Variants in QTMAN observed in about 807,000 individuals in gnomAD.
QTMAN encodes queuosine-tRNA mannosyltransferase.
At chr2:144,077,316 T>C in the QTMAN span, among the ~76,000 whole-genome samples, 2 of 152,220 alleles carry the variant, frequency 1.3e-5, no homozygotes, top group Non-Finnish European at 2.9e-5. Flanking sequence ...AAAATTTCAA[T>C]TAAACTCCAA....
the QTMAN span, chr2:143,941,811 T>G: frequency 3.9e-5 from 6 of 152,168 alleles, no homozygotes; most frequent in African/African-American, 1.4e-4. Flanking sequence ...AGAAGGGAAC[T>G]AGGGGTCCAA....
At chr2:144,082,986 A>G in the QTMAN span, among the ~76,000 whole-genome samples, 2 of 152,082 alleles carry the variant, frequency 1.3e-5, no homozygotes, top group Non-Finnish European at 2.9e-5. Context: ...GTTTCTAAGT[A>G]TGGATTGGCA....
At chr2:144,121,451 G>C in the QTMAN span, among the ~76,000 whole-genome samples, 1 of 152,154 alleles carries the variant, frequency 6.6e-6, no homozygotes, top group Non-Finnish European at 1.5e-5. Context: ...CCTTAGCTCA[G>C]AACGCTGAAC....
the QTMAN span, among the ~76,000 whole-genome samples, chr2:144,066,747 CG>C: frequency 6.6e-6 from 1 of 152,178 alleles, no homozygotes; most frequent in Non-Finnish European, 1.5e-5. Context: ...ACCTGGGAGG[CG>C]GAAGTTGCAG....
chr2:144,025,355 T>A, the QTMAN span, among the ~76,000 whole-genome samples: 1 of 152,114 alleles, frequency 6.6e-6, no homozygotes, highest in Non-Finnish European at 1.5e-5. Flanking sequence ...GGGGCATAGA[T>A]CATGGTGATG....
chr2:143,982,072 A>C, the QTMAN span, among the ~76,000 whole-genome samples: 1 of 152,206 alleles, frequency 6.6e-6, no homozygotes, highest in Non-Finnish European at 1.5e-5. Context: ...GAAAAGAATA[A>C]GGAATTCTGA....
chr2:144,320,450 C>T, the QTMAN span, among the ~76,000 whole-genome samples: 3 of 152,266 alleles, frequency 2.0e-5, no homozygotes, highest in Admixed American at 1.3e-4. Flanking sequence ...TTGGCCAGAC[C>T]TGTTACTACA....
the QTMAN span, among the ~76,000 whole-genome samples, chr2:143,954,852 G>C: frequency 6.6e-6 from 1 of 151,852 alleles, no homozygotes; most frequent in Non-Finnish European, 1.5e-5. Flanking sequence ...AGTTCCAACT[G>C]ATCTATTGTT....
the QTMAN span, among the ~76,000 whole-genome samples, chr2:144,038,625 A>G: frequency 1.3e-5 from 2 of 152,204 alleles, no homozygotes; most frequent in Admixed American, 6.5e-5. Flanking sequence ...GGAGCTTACA[A>G]TGTGAGTAGG....
At chr2:144,194,535 T>C in the QTMAN span, among the ~76,000 whole-genome samples, 1 of 152,212 alleles carries the variant, frequency 6.6e-6, no homozygotes, top group African/African-American at 2.4e-5. Flanking sequence ...TAAGTTGGGA[T>C]TAGTCAGTAC....
chr2:144,051,133 C>T, the QTMAN span, among the ~76,000 whole-genome samples: 1 of 151,956 alleles, frequency 6.6e-6, no homozygotes, highest in African/African-American at 2.4e-5. Flanking sequence ...GGTGTTATTG[C>T]TCTTATTATT....
the QTMAN span, among the ~76,000 whole-genome samples, chr2:144,127,127 G>A: frequency 6.6e-6 from 1 of 151,890 alleles, no homozygotes; most frequent in Non-Finnish European, 1.5e-5. Flanking sequence ...ACATATAAAA[G>A]AAATACTTAC....
the QTMAN span, among the ~76,000 whole-genome samples, chr2:144,020,667 G>A: frequency 1.3e-5 from 2 of 152,180 alleles, no homozygotes; most frequent in Admixed American, 6.5e-5. Flanking sequence ...AGAGGTTTGA[G>A]CAGTGGGGCG....
the QTMAN span, among the ~76,000 whole-genome samples, chr2:144,294,981 A>G: frequency 2.0e-5 from 3 of 152,212 alleles, no homozygotes; most frequent in Non-Finnish European, 2.9e-5. Flanking sequence ...TCTTTTGAGT[A>G]TCTGAAAACA....
At chr2:144,180,767 C>G in the QTMAN span, among the ~76,000 whole-genome samples, 1 of 152,052 alleles carries the variant, frequency 6.6e-6, no homozygotes, top group Non-Finnish European at 1.5e-5. Flanking sequence ...TATTGGTTTT[C>G]CTAGTTAAAG....
chr2:144,102,329 A>G, the QTMAN span, among the ~76,000 whole-genome samples: 2 of 152,232 alleles, frequency 1.3e-5, no homozygotes, highest in African/African-American at 4.8e-5. Context: ...GTCATCAAAT[A>G]CTTTCTATAA....
chr2:144,225,218 T>G, the QTMAN span, among the ~76,000 whole-genome samples: 3 of 152,202 alleles, frequency 2.0e-5, no homozygotes, highest in African/African-American at 7.2e-5. Flanking sequence ...GCTGCACACC[T>G]CTAAGCAAAT....
the QTMAN span, among the ~76,000 whole-genome samples, chr2:143,977,306 C>A: frequency 6.6e-6 from 1 of 152,038 alleles, no homozygotes; most frequent in Admixed American, 6.6e-5. Flanking sequence ...CCCCTTCAAA[C>A]AGGTACAAAT....
the QTMAN span, among the ~76,000 whole-genome samples, chr2:144,161,922 T>C: frequency 6.6e-6 from 1 of 152,356 alleles, no homozygotes; most frequent in Non-Finnish European, 1.5e-5. Context: ...TTAGTTTGCA[T>C]TGATGGACTC....
Sources: gnomAD v4.1 joint callset for allele counts (sites outside exome capture counted in the v4.1 genomes callset) on GRCh38, gnomAD v4.1.1 for gene constraint, MANE v1.5 for transcripts, NCBI Gene and HGNC (gene_info 2026-07-23, HGNC 2026-07-21) for gene names.